MORN1: variants seen among roughly 807,000 people sequenced by gnomAD.
MORN1 encodes the protein MORN repeat-containing protein 1.
Under a neutral mutation model 61.9 loss-of-function variants are expected in MORN1, and 67 were observed. The ratio of observed to expected loss-of-function variants is 1.08; its 90% confidence interval spans 0.89 to 1.33. MORN1 has a LOEUF of 1.33. Among genes scored for constraint, MORN1 ranks in the 40% most tolerant of loss-of-function variants. The pLI is 0.00. For synonymous variants in MORN1, 301 were observed against 292.0 expected (o/e 1.03, Z -0.31); for missense variants, 752 against 691.2 (o/e 1.09, Z -0.99).
intron 10 of MORN1, chr1:2,355,448 CT>C: frequency 6.4e-7 from 1 of 1,550,470 alleles, no homozygotes; most frequent in South Asian, 1.2e-5. Context: ...TCGTCTGATC[CT>C]AGAAGAGTGA....
At chr1:2,380,091 C>T in intron 6 of MORN1, among the ~76,000 whole-genome samples, 1 of 152,152 alleles carries the variant, frequency 6.6e-6, no homozygotes. Flanking sequence ...GCACAGGCTC[C>T]AGCATGGAGG....
chr1:2,335,317 C>T (rs1192198837), intron 12 of MORN1, among the ~76,000 whole-genome samples: 1 of 152,202 alleles, frequency 6.6e-6, no homozygotes, highest in Non-Finnish European at 1.5e-5. Context: ...ATACCCGCCC[C>T]ACCCCCGGCG....
chr1:2,323,189 G>C, intron 13 of MORN1: 1 of 985,408 alleles, frequency 1.0e-6, no homozygotes, highest in Non-Finnish European at 1.2e-6. Flanking sequence ...GGACCACGGG[G>C]GACACCGCGT....
chr1:2,367,382 G>C (rs1457279532), intron 8 of MORN1, among the ~76,000 whole-genome samples: 1 of 150,852 alleles, frequency 6.6e-6, no homozygotes, highest in Non-Finnish European at 1.5e-5. Flanking sequence ...TATTTTGGGA[G>C]ACTGAGGTGG....
intron 10 of MORN1, chr1:2,355,325 C>A: frequency 6.7e-7 from 1 of 1,496,746 alleles, no homozygotes; most frequent in African/African-American, 1.4e-5. Context: ...CTTGGCCTCC[C>A]GTGGAGTGGC....
chr1:2,353,443 G>C (rs1641693240), intron 10 of MORN1, among the ~76,000 whole-genome samples: 2 of 152,338 alleles, frequency 1.3e-5, no homozygotes, highest in South Asian at 2.1e-4. Flanking sequence ...AGCAGGGGTT[G>C]CTGACTGAGA....
chr1:2,390,438 C>A (rs1281267725), intron 1 of MORN1: 2 of 985,252 alleles, frequency 2.0e-6, no homozygotes, highest in Admixed American at 6.1e-5. Flanking sequence ...GGCCTCCTAT[C>A]GCTGGGGAGA....
At chr1:2,332,891 A>G (rs2100244262) in intron 12 of MORN1, 1 of 366,012 alleles carries the variant, frequency 2.7e-6, no homozygotes, top group East Asian at 7.3e-5. Flanking sequence ...TCTGTCGGGG[A>G]CTGGGGCTCG....
intron 10 of MORN1, among the ~76,000 whole-genome samples, chr1:2,342,867 A>ATTTTATTTTATTTTATTTATTTTAT (rs370414567): frequency 0.011 from 1,105 of 100,920 alleles, 13 homozygotes; most frequent in Non-Finnish European, 0.019. Context: ...ATTTTATTTT[A>ATTTTATTTTATTTTATTTATTTTAT]TTTATTTTAT....
Position 2,337,235 on chromosome 1 carries a change from C to A in MORN1, c.1037-385G>T, listed in dbSNP as rs1328463954. Among the ~76,000 whole-genome samples, 1 of 152,226 alleles carries A rather than the reference C, an allele frequency of 6.6e-6. No homozygotes were observed. Among genetic ancestry groups the A allele is most frequent in the African/African-American group, 2.4e-5 (1 of 41,458 alleles). On this transcript the variant is annotated intron_variant, in intron 10 of 13. Coordinates refer to ENST00000378531, the MANE Select transcript of MORN1 (RefSeq NM_024848.3). This position sits in a 1 kb window ranked among gnomAD's most constrained non-coding sequence, Gnocchi z 5.7. Reference sequence around the variant, plus strand: ...CCGGAGAGGCTGGCGCTCAACAGTACAGCTGTGTGCCCTCCTCGGAGCGCA... The same window carrying A: ...CCGGAGAGGCTGGCGCTCAACAGTAAAGCTGTGTGCCCTCCTCGGAGCGCA...
At chr1:2,369,566 G>A (rs1424755198) in intron 8 of MORN1, among the ~76,000 whole-genome samples, 1 of 151,898 alleles carries the variant, frequency 6.6e-6, no homozygotes, top group African/African-American at 2.4e-5. Flanking sequence ...GAAACTAGTA[G>A]AACTAATAAA....
intron 12 of MORN1, among the ~76,000 whole-genome samples, chr1:2,330,961 T>G (rs1641135858): frequency 6.6e-6 from 1 of 152,224 alleles, no homozygotes; most frequent in Admixed American, 6.5e-5. Context: ...CCGACAGGGC[T>G]TTGTCCTTTT....
chr1:2,323,532 C>T (rs1640930106), intron 13 of MORN1: 4 of 985,276 alleles, frequency 4.1e-6, no homozygotes, highest in Non-Finnish European at 4.8e-6. Context: ...CATTCGGCCC[C>T]TCTGGCTTGG....
At chr1:2,329,424 C>T (rs780415438) in intron 12 of MORN1, among the ~76,000 whole-genome samples, 70 of 152,198 alleles carry the variant, frequency 4.6e-4, no homozygotes, top group Non-Finnish European at 8.4e-4. Flanking sequence ...CCAGGGCACC[C>T]GGTGCCCCCA....
intron 10 of MORN1, among the ~76,000 whole-genome samples, chr1:2,353,172 CA>C (rs1641687875): frequency 6.6e-6 from 1 of 152,198 alleles, no homozygotes; most frequent in African/African-American, 2.4e-5. Flanking sequence ...GTGACTGGGC[CA>C]GGGACAAATG....
At chr1:2,323,637 C>T (rs1640932492) in intron 13 of MORN1, 6 of 985,292 alleles carry the variant, frequency 6.1e-6, no homozygotes, top group East Asian at 1.1e-4. Flanking sequence ...CGCTGCACCC[C>T]TCCTTGCTGT....
chr1:2,338,077 C>G (rs1369804672), intron 10 of MORN1, among the ~76,000 whole-genome samples: 2 of 152,116 alleles, frequency 1.3e-5, no homozygotes, highest in Non-Finnish European at 2.9e-5. Context: ...GCAGCCCCCT[C>G]TGTGGGGCTC....
chr1:2,391,553 T>A lies in MORN1; in HGVS notation c.-20A>T, dbSNP rs994550658. On this transcript the variant is annotated 5_prime_UTR_variant, in exon 1 of 14. In the 5' UTR this introduces an upstream ATG that the reference lacks. Transcript: ENST00000378531. The stretch of plus-strand genomic sequence containing the variant: ...TGCCATCTTGCCGCCGAGGGTTCTC[T>A]TAGCGACCAGCAACGCCCGCTTCCA... 3 of 1,246,396 alleles carry A rather than the reference T, an allele frequency of 2.4e-6. No homozygotes were observed. The East Asian group carries it at 9.5e-5, about 39-fold the overall frequency. 77.2% of individuals were successfully genotyped at this position (1,246,396 alleles called of 1,614,324 possible). A position where few individuals can be genotyped will look rare whatever the true frequency, so the allele number is the denominator to read the frequency against.
At position 2,334,237 on chromosome 1, in the gene MORN1, G is replaced by A. The variant is rs1319130632; in HGVS notation, c.1250+2232C>T. The stretch of plus-strand genomic sequence containing the variant: ...CACAGTTGAGGGCCTCTGGGTGGTG[G>A]GGGGGCAGCAGGTGTAAGAACGGTA... On this transcript the variant is annotated intron_variant, in intron 12 of 13. Transcript: ENST00000378531. This position sits in a 1 kb window ranked among gnomAD's most constrained non-coding sequence, Gnocchi z 5.4. 6.6e-6 allele frequency among the ~76,000 whole-genome samples: 1 copy of A among 152,222 alleles called. No homozygotes were observed. The highest frequency in any genetic ancestry group is 1.9e-4 in the East Asian group (1 of 5,186).
Sources: gnomAD v4.1 joint callset for allele counts (sites outside exome capture counted in the v4.1 genomes callset) on GRCh38, gnomAD v4.1.1 for gene constraint, Gnocchi (gnomAD v3.1) non-coding constraint, MANE v1.5 for transcripts, NCBI Gene and HGNC (gene_info 2026-07-23, HGNC 2026-07-21) for gene names.